Variants in FRMPD3 observed in about 807,000 individuals in gnomAD.
The protein encoded by FRMPD3 is FERM and PDZ domain-containing protein 3.
Under a neutral mutation model 97.9 loss-of-function variants are expected in FRMPD3, and 42 were observed. The observed-to-expected ratio is 0.43, with a 90% CI of 0.34 to 0.55. FRMPD3 has a LOEUF of 0.55. FRMPD3 is among the 20% of genes least tolerant of loss of function. FRMPD3 has a pLI of 0.03. For synonymous variants in FRMPD3, 577 were observed against 581.1 expected (o/e 0.99, Z 0.10); for missense variants, 1,303 against 1,457.7 (o/e 0.89, Z 1.73).
chrX:107,509,083 T>C (rs1021081188), intron 1 of FRMPD3, among the ~76,000 whole-genome samples: 2 of 111,626 alleles, frequency 1.8e-5, no homozygotes, highest in Non-Finnish European at 3.8e-5. Flanking sequence ...TTCGCCCCGC[T>C]CCCCCCAGCT....
At chrX:107,502,283 G>A (rs867150401) in intron 1 of FRMPD3, among the ~76,000 whole-genome samples, 73 of 110,695 alleles carry the variant, frequency 6.6e-4, no homozygotes, top group African/African-American at 2.3e-3. Flanking sequence ...GGCTTGCTCC[G>A]GCTACGAGCA....
rs1427783238 is a variant in FRMPD3, at chrX:107,565,050, G to C, written c.1280G>C (p.Ser427Thr). The change falls in exon 12 of 15, where the codon AGC (serine) becomes ACC (threonine). Residue 427 changes from serine to threonine, a missense_variant. This residue lies in a region of FRMPD3 where 535 missense variants were observed against 618.6 expected (regional missense o/e 0.86). Transcript: ENST00000683843. ...ENQGVARVET[S>T]IMDAKPLVLL... Reference sequence around the variant, plus strand: ...CAGGGCGTGGCCCGGGTGGAGACCAGCATCATGGATGCCAAGGTAAGCCCT... The same window carrying C: ...CAGGGCGTGGCCCGGGTGGAGACCACCATCATGGATGCCAAGGTAAGCCCT... 6.7e-6 allele frequency: 8 copies of C among 1,185,997 alleles called. No individual in the cohort carries two copies. The highest frequency in any genetic ancestry group is 9.1e-6 in the Non-Finnish European group (8 of 882,604).
chrX:107,518,968 A>G (rs1481256915), intron 1 of FRMPD3, among the ~76,000 whole-genome samples: 1 of 112,603 alleles, frequency 8.9e-6, no homozygotes, highest in Non-Finnish European at 1.9e-5. Context: ...TATGCTAGTC[A>G]CAAAAAGACA....
chrX:107,528,471 C>T (rs1922790556), intron 2 of FRMPD3, among the ~76,000 whole-genome samples: 1 of 111,376 alleles, frequency 9.0e-6, no homozygotes, highest in African/African-American at 3.3e-5. Context: ...GAGTGGCCTC[C>T]ACCTAAGAGA....
chrX:107,564,162 C>A (rs1922500757), intron 11 of FRMPD3, among the ~76,000 whole-genome samples: 1 of 111,814 alleles, frequency 8.9e-6, no homozygotes, highest in African/African-American at 3.3e-5. Flanking sequence ...GGAATCCAGT[C>A]CTTCAGGCCG....
intron 1 of FRMPD3, among the ~76,000 whole-genome samples, chrX:107,518,278 A>G (rs1445438003): frequency 1.8e-5 from 2 of 111,909 alleles, no homozygotes; most frequent in Non-Finnish European, 3.8e-5. Flanking sequence ...TGGGAAGTGA[A>G]TAGGTGATCA....
chrX:107,531,145 CA>C (rs1831042181), intron 3 of FRMPD3, among the ~76,000 whole-genome samples: 3 of 109,489 alleles, frequency 2.7e-5, no homozygotes, highest in Admixed American at 9.7e-5. Flanking sequence ...CACACACACA[CA>C]CCATACACAC....
At chrX:107,563,666 C>T (rs1238277029) in intron 11 of FRMPD3, among the ~76,000 whole-genome samples, 1 of 112,006 alleles carries the variant, frequency 8.9e-6, no homozygotes, top group Admixed American at 9.4e-5. Context: ...TTTTTTTTCC[C>T]TACCATTAAA....
intron 4 of FRMPD3, among the ~76,000 whole-genome samples, chrX:107,538,741 A>G (rs756622327): frequency 2.7e-5 from 3 of 110,943 alleles, no homozygotes; most frequent in Non-Finnish European, 5.7e-5. Flanking sequence ...GCTCACTGCA[A>G]CCTTTACCTC....
chrX:107,477,939 G>A (rs1921244329), intron 1 of FRMPD3, among the ~76,000 whole-genome samples: 1 of 110,999 alleles, frequency 9.0e-6, no homozygotes, highest in African/African-American at 3.3e-5. Flanking sequence ...CCCTCTCCTT[G>A]TCTCTACTAA....
At chrX:107,475,462 G>A (rs1489689735) in intron 1 of FRMPD3, among the ~76,000 whole-genome samples, 1 of 112,321 alleles carries the variant, frequency 8.9e-6, no homozygotes, top group African/African-American at 3.2e-5. Flanking sequence ...TGTCAGCTCA[G>A]CTATTATTTC....
intron 4 of FRMPD3, 53 bp downstream of exon 4, chrX:107,533,603 A>T: frequency 9.2e-7 from 1 of 1,092,857 alleles, no homozygotes; most frequent in Non-Finnish European, 1.3e-6. Context: ...AAGAGATGAC[A>T]TTTCCATATT....
chrX:107,458,123 A>T (rs1459189912), intron 1 of FRMPD3, among the ~76,000 whole-genome samples: 2 of 111,368 alleles, frequency 1.8e-5, no homozygotes, highest in Non-Finnish European at 3.8e-5. Flanking sequence ...GGGAATGAAC[A>T]GCGGAGATCC....
intron 1 of FRMPD3, among the ~76,000 whole-genome samples, chrX:107,506,509 A>G (rs1432441623): frequency 8.9e-6 from 1 of 112,614 alleles, no homozygotes; most frequent in Non-Finnish European, 1.9e-5. Context: ...CCTCAATTTT[A>G]TTTTCCGTAC....
intron 12 of FRMPD3, among the ~76,000 whole-genome samples, chrX:107,567,904 G>A (rs1010790809): frequency 3.6e-5 from 4 of 111,197 alleles, no homozygotes; most frequent in Admixed American, 9.6e-5. Context: ...CTGTGCTGGA[G>A]GGACAGCAGT....
At chrX:107,515,468 C>T (rs745314348) in intron 1 of FRMPD3, among the ~76,000 whole-genome samples, 1 of 111,227 alleles carries the variant, frequency 9.0e-6, no homozygotes, top group South Asian at 3.9e-4. Context: ...ACAAGAGCAA[C>T]TCTGCAGAGT....
intron 6 of FRMPD3, among the ~76,000 whole-genome samples, chrX:107,552,039 A>G (rs1316126129): frequency 8.9e-6 from 1 of 112,212 alleles, no homozygotes; most frequent in African/African-American, 3.2e-5. Context: ...CCCAGTGTAT[A>G]AGCCAAAGTC....
intron 13 of FRMPD3, among the ~76,000 whole-genome samples, chrX:107,592,793 C>CTTTTTT (rs35096358): frequency 2.5e-4 from 18 of 71,334 alleles, no homozygotes; most frequent in East Asian, 4.0e-4. Context: ...TATGACCATT[C>CTTTTTT]TTTTTTTTTT....
At chrX:107,596,897 G>A (rs933537654) in intron 13 of FRMPD3, among the ~76,000 whole-genome samples, 2 of 111,992 alleles carry the variant, frequency 1.8e-5, no homozygotes, top group Non-Finnish European at 3.8e-5. Flanking sequence ...GAACAACAGA[G>A]CACTGGTGGA....
Sources: allele counts gnomAD v4.1 joint callset (sites outside exome capture counted in the v4.1 genomes callset), GRCh38; gene constraint gnomAD v4.1.1; regional missense constraint gnomAD v4.1.1; transcripts MANE v1.5; gene names NCBI Gene and HGNC (gene_info 2026-07-23, HGNC 2026-07-21).